DNAH11: variants seen among roughly 807,000 people sequenced by gnomAD.
DNAH11 encodes dynein axonemal heavy chain 11.
Under a neutral mutation model 526.0 loss-of-function variants are expected in DNAH11, and 442 were observed. The observed-to-expected ratio is 0.84, with a 90% CI of 0.78 to 0.91. DNAH11 has a LOEUF of 0.91. Among genes scored for constraint, DNAH11 ranks in the 40% least tolerant of loss-of-function variants. The pLI, the probability that DNAH11 is intolerant of heterozygous loss-of-function variation, is 0.00. For synonymous variants in DNAH11, 2,461 were observed against 1,935.9 expected, an observed-to-expected ratio of 1.27 and a Z score of -7.12; for missense variants, 6,989 against 5,448.7, an observed-to-expected ratio of 1.28 and a Z score of -8.90.
chr7:21,806,149 C>A (rs904995514), intron 62 of DNAH11, among the ~76,000 whole-genome samples: 1 of 152,136 alleles, frequency 6.6e-6, no homozygotes, highest in African/African-American at 2.4e-5. Context: ...TAGCCAATGT[C>A]AGTAATGATT....
At chr7:21,670,262 T>A (rs538145930) in intron 30 of DNAH11, among the ~76,000 whole-genome samples, 1 of 152,000 alleles carries the variant, frequency 6.6e-6, no homozygotes, top group Non-Finnish European at 1.5e-5. Context: ...CTCATTAGAT[T>A]TATTTTTAGA....
intron 79 of DNAH11, among the ~76,000 whole-genome samples, chr7:21,898,219 C>T (rs967399733): frequency 1.1e-4 from 17 of 152,130 alleles, no homozygotes; most frequent in East Asian, 7.7e-4. Flanking sequence ...TTTTCTCATT[C>T]GCCTTTTTCC....
chr7:21,635,228 C>G (rs879909101), intron 25 of DNAH11, among the ~76,000 whole-genome samples: 5 of 152,130 alleles, frequency 3.3e-5, no homozygotes, highest in Non-Finnish European at 7.3e-5. Context: ...GTGATCTCAG[C>G]TCACTGCAAG....
chr7:21,846,110 T>G (rs1051076805), intron 66 of DNAH11, among the ~76,000 whole-genome samples: 1 of 152,208 alleles, frequency 6.6e-6, no homozygotes, highest in African/African-American at 2.4e-5. Context: ...ACCTGCTTAT[T>G]AGTTGCAAGA....
intron 25 of DNAH11, among the ~76,000 whole-genome samples, chr7:21,621,539 A>G (rs987507308): frequency 6.6e-6 from 1 of 152,122 alleles, no homozygotes; most frequent in Non-Finnish European, 1.5e-5. Flanking sequence ...TTTTAGACCA[A>G]TATCCTTGAT....
At position 21,784,188 on chromosome 7, in the gene DNAH11, C is replaced by G. The variant is rs79071328; in HGVS notation, c.9484-239C>G. 0.013 allele frequency among the ~76,000 whole-genome samples: 1,973 copies of G among 152,244 alleles called. 33 individuals carry two copies. The highest frequency in any genetic ancestry group is 0.04 in the African/African-American group (1,649 of 41,546). On this transcript the variant is annotated intron_variant, in intron 57 of 81. Coordinates refer to ENST00000409508, the MANE Select transcript of DNAH11 (RefSeq NM_001277115.2). ...GAGTTAGTCAAAGCTTTTCTTGGAG[C>G]ATTTTGGAACTTGAATCCATTTATG... is the stretch of plus-strand genomic sequence containing the variant.
chr7:21,754,564 T>C (rs1184226850), intron 54 of DNAH11, among the ~76,000 whole-genome samples: 2 of 151,270 alleles, frequency 1.3e-5, no homozygotes, highest in Non-Finnish European at 2.9e-5. Context: ...GTGGATAATT[T>C]CCCCCCCCAC....
intron 45 of DNAH11, among the ~76,000 whole-genome samples, chr7:21,732,863 G>A (rs531199262): frequency 3.4e-4 from 51 of 152,210 alleles, no homozygotes; most frequent in Non-Finnish European, 6.8e-4. Context: ...TGTTAAGAGT[G>A]AGGAAACCTT....
At chr7:21,861,074 A>G (rs547407354) in intron 68 of DNAH11, among the ~76,000 whole-genome samples, 1 of 152,292 alleles carries the variant, frequency 6.6e-6, no homozygotes, top group African/African-American at 2.4e-5. Context: ...GAAACAGCCA[A>G]ACCACATCAG....
At chr7:21,614,581 C>T (rs76150684) in intron 20 of DNAH11, among the ~76,000 whole-genome samples, 4,596 of 152,172 alleles carry the variant, frequency 0.03, 234 homozygotes, top group African/African-American at 0.1. Flanking sequence ...TATAATTGAA[C>T]CTTGATAAAG....
chr7:21,777,589 C>G (rs1388780204), intron 56 of DNAH11, among the ~76,000 whole-genome samples: 1 of 152,118 alleles, frequency 6.6e-6, no homozygotes, highest in African/African-American at 2.4e-5. Flanking sequence ...GGTGGCATCT[C>G]TAATTTTTAT....
Position 21,839,378 on chromosome 7 carries a change from G to C in DNAH11, c.10692-3166G>C, listed in dbSNP as rs537622817. On this transcript the variant is annotated intron_variant, in intron 65 of 81. Coordinates refer to ENST00000409508, the MANE Select transcript of DNAH11 (RefSeq NM_001277115.2). ...TCACGAGGTCAGGAGTTTGAGACCA[G>C]CCTGGACAACATGGTGAAACCCTGT... Among the ~76,000 whole-genome samples the C allele has an allele frequency of 2.0e-4, 30 of 152,156 alleles. 1 individual carries two copies. Among genetic ancestry groups the C allele is most frequent in the African/African-American group, 7.2e-4 (30 of 41,500 alleles).
intron 2 of DNAH11, among the ~76,000 whole-genome samples, chr7:21,547,086 G>C (rs1041724328): frequency 6.6e-6 from 1 of 152,080 alleles, no homozygotes; most frequent in African/African-American, 2.4e-5. Context: ...ACTAAAATAA[G>C]ACAAAACCTC....
At chr7:21,718,105 T>C (rs951777788) in intron 43 of DNAH11, among the ~76,000 whole-genome samples, 180 bp downstream of exon 43, 1 of 142,380 alleles carries the variant, frequency 7.0e-6, no homozygotes, top group Non-Finnish European at 1.5e-5. Flanking sequence ...TTTGCAAACC[T>C]CTATCACATT....
At chr7:21,717,700 G>C in intron 42 of DNAH11, 75 bp from the exon 43 acceptor site, 1 of 1,560,972 alleles carries the variant, frequency 6.4e-7, no homozygotes, top group South Asian at 1.2e-5. Context: ...TGTCAAAGGA[G>C]GAAGCTTTTG....
intron 73 of DNAH11, among the ~76,000 whole-genome samples, chr7:21,869,582 G>T (rs1053879746): frequency 6.6e-6 from 1 of 152,144 alleles, no homozygotes; most frequent in Non-Finnish European, 1.5e-5. Context: ...CTGCCCAGGA[G>T]CTGTGGAGGC....
chr7:21,720,078 C>T (rs1784817337), intron 43 of DNAH11, among the ~76,000 whole-genome samples: 1 of 152,174 alleles, frequency 6.6e-6, no homozygotes, highest in Non-Finnish European at 1.5e-5. Context: ...GTATGAAGAA[C>T]ACGTTCCTGA....
At chr7:21,789,812 CT>C (rs1170965698) in intron 61 of DNAH11, among the ~76,000 whole-genome samples, 9 of 76,100 alleles carry the variant, frequency 1.2e-4, no homozygotes, top group South Asian at 5.6e-4. Context: ...TTTCTTTTTT[CT>C]TTCTTTCTTT....
intron 44 of DNAH11, among the ~76,000 whole-genome samples, chr7:21,722,679 G>A (rs1472551893): frequency 6.6e-6 from 1 of 152,052 alleles, no homozygotes; most frequent in African/African-American, 2.4e-5. Context: ...AAGATTAGCA[G>A]CCAATACTGT....
Sources: gnomAD v4.1 joint callset for allele counts (sites outside exome capture counted in the v4.1 genomes callset) on GRCh38, gnomAD v4.1.1 for gene constraint, MANE v1.5 for transcripts, NCBI Gene and HGNC (gene_info 2026-07-23, HGNC 2026-07-21) for gene names.